ANO1: variants seen among roughly 807,000 people sequenced by gnomAD.
The protein encoded by ANO1 is anoctamin 1.
Under a neutral mutation model 124.0 loss-of-function variants are expected in ANO1, and 59 were observed. The observed-to-expected ratio is 0.48, with a 90% confidence interval of 0.39 to 0.59. The LOEUF is 0.59. Among genes scored for constraint, ANO1 ranks in the 20% least tolerant of loss-of-function variants. The pLI is 0.00. For missense variants in ANO1, 1,059 were observed against 1,328.0 expected, an observed-to-expected ratio of 0.80 and a Z score of 3.15; for synonymous variants, 529 against 532.0, an observed-to-expected ratio of 0.99 and a Z score of 0.08.
At chr11:70,030,292 C>T (rs1856978735) in intron 1 of ANO1, among the ~76,000 whole-genome samples, 2 of 152,190 alleles carry the variant, frequency 1.3e-5, no homozygotes, top group African/African-American at 2.4e-5. Flanking sequence ...ATGTGGCTGC[C>T]GGGGATGAGG....
intron 1 of ANO1, among the ~76,000 whole-genome samples, chr11:70,054,326 A>T (rs1282702701): frequency 6.6e-6 from 1 of 152,212 alleles, no homozygotes; most frequent in African/African-American, 2.4e-5. Context: ...AAGGCAAGCC[A>T]TGGGAACATG....
chr11:70,062,849 C>G (rs574933205), intron 1 of ANO1, among the ~76,000 whole-genome samples: 44 of 152,146 alleles, frequency 2.9e-4, no homozygotes, highest in African/African-American at 1.0e-3. Context: ...TTGGGCAAGA[C>G]GTTGGACTTC....
At chr11:70,174,003 T>C (rs2048577545) in intron 22 of ANO1, among the ~76,000 whole-genome samples, 1 of 150,710 alleles carries the variant, frequency 6.6e-6, no homozygotes, top group East Asian at 2.0e-4. Flanking sequence ...TGGCACAATC[T>C]CGGCTCACTG....
chr11:70,160,216 G>T (rs1262184290), intron 16 of ANO1, among the ~76,000 whole-genome samples: 3 of 152,144 alleles, frequency 2.0e-5, no homozygotes, highest in Non-Finnish European at 2.9e-5. Context: ...GGGACACAGG[G>T]TGACAAGACA....
intron 1 of ANO1, among the ~76,000 whole-genome samples, chr11:70,050,051 C>T (rs1283279827): frequency 6.6e-6 from 1 of 152,162 alleles, no homozygotes; most frequent in Non-Finnish European, 1.5e-5. Context: ...GAGATGGCAC[C>T]CTGGGCTGTT....
At chr11:70,002,957 T>C (rs1272206789) in intron 1 of ANO1, among the ~76,000 whole-genome samples, 1 of 152,138 alleles carries the variant, frequency 6.6e-6, no homozygotes, top group African/African-American at 2.4e-5. Flanking sequence ...ACTTACATTA[T>C]CTTCAGGAAG....
chr11:70,139,064 C>T (rs891679964), intron 11 of ANO1, among the ~76,000 whole-genome samples: 2 of 152,162 alleles, frequency 1.3e-5, no homozygotes, highest in African/African-American at 2.4e-5. Context: ...TCGTTTAGTC[C>T]GCTTAGGATA....
chr11:70,013,009 G>A (rs1555001352), intron 1 of ANO1, among the ~76,000 whole-genome samples: 1 of 152,228 alleles, frequency 6.6e-6, no homozygotes, highest in Non-Finnish European at 1.5e-5. Flanking sequence ...GCGCAATGAA[G>A]GAAAAGGGCA....
At chr11:70,073,268 G>A (rs529159994) in intron 1 of ANO1, among the ~76,000 whole-genome samples, 1 of 152,288 alleles carries the variant, frequency 6.6e-6, no homozygotes, top group Admixed American at 6.5e-5. Flanking sequence ...ATCCTGGGGA[G>A]GAAGGCTGAA....
chr11:70,088,290 T>C (rs2044474095), intron 2 of ANO1, among the ~76,000 whole-genome samples: 1 of 151,904 alleles, frequency 6.6e-6, no homozygotes, highest in South Asian at 2.1e-4. Context: ...GGGGGGTGGT[T>C]CACGAGGTCA....
chr11:70,069,328 A>G (rs1457145889), intron 1 of ANO1, among the ~76,000 whole-genome samples: 2 of 152,226 alleles, frequency 1.3e-5, no homozygotes, highest in Non-Finnish European at 2.9e-5. Flanking sequence ...TTCTCCATCA[A>G]ACTGGAAGGA....
intron 1 of ANO1, chr11:70,064,155 G>C (rs111929988): frequency 6.6e-6 from 1 of 152,214 alleles, no homozygotes; most frequent in Admixed American, 6.5e-5. Context: ...TTGCAACCCT[G>C]GCCTGCAGGA....
chr11:69,976,572 T>G, the ANO1 span, among the ~76,000 whole-genome samples: 10 of 119,780 alleles, frequency 8.3e-5, no homozygotes, highest in Admixed American at 1.8e-4. Context: ...AGAGAGAGAT[T>G]AGGACACACA....
intron 1 of ANO1, among the ~76,000 whole-genome samples, chr11:70,085,957 T>TC (rs1475427894): frequency 6.6e-6 from 1 of 152,216 alleles, no homozygotes; most frequent in Non-Finnish European, 1.5e-5. Context: ...GGCGACCACG[T>TC]GGGGGGACCC....
the ANO1 span, among the ~76,000 whole-genome samples, chr11:69,980,902 A>C: frequency 6.6e-6 from 1 of 152,034 alleles, no homozygotes. Context: ...AAATATAAAA[A>C]TTAGCTGGGT....
intron 2 of ANO1, among the ~76,000 whole-genome samples, chr11:70,089,521 G>C (rs550966423): frequency 6.6e-6 from 1 of 152,180 alleles, no homozygotes; most frequent in Non-Finnish European, 1.5e-5. Context: ...TGAACCTGGG[G>C]CATCTGTCTG....
At chr11:69,998,645 C>T (rs10898994) in intron 1 of ANO1, among the ~76,000 whole-genome samples, 1 of 152,014 alleles carries the variant, frequency 6.6e-6, no homozygotes, top group South Asian at 2.1e-4. Flanking sequence ...GGCCATTCTC[C>T]CATTGCCAAA....
At chr11:70,067,484 T>C (rs890695735) in intron 1 of ANO1, among the ~76,000 whole-genome samples, 1 of 152,146 alleles carries the variant, frequency 6.6e-6, no homozygotes, top group African/African-American at 2.4e-5. Context: ...CCTGCCATCA[T>C]GCCTGGCTAA....
At position 70,130,864 on chromosome 11, in the gene ANO1, C is replaced by T. The variant is rs953003130; in HGVS notation, c.1098-1055C>T. 2.0e-5 allele frequency among the ~76,000 whole-genome samples: 3 copies of T among 152,342 alleles called. No homozygotes were observed. In the East Asian group the frequency reaches 5.8e-4, roughly 29 times the overall value. On this transcript the variant is annotated intron_variant, in intron 10 of 25. Coordinates refer to ENST00000355303, the MANE Select transcript of ANO1 (RefSeq NM_018043.7). ...CCTTCCGGCCCAGCCCCCGTTCTCC[C>T]AGAGAAGAGTCCTGGGATCCCCGTT...
Sources: gnomAD v4.1 joint callset for allele counts (sites outside exome capture counted in the v4.1 genomes callset) on GRCh38, gnomAD v4.1.1 for gene constraint, MANE v1.5 for transcripts, NCBI Gene and HGNC (gene_info 2026-07-23, HGNC 2026-07-21) for gene names.